The following CNTN1 variants were observed in gnomAD, a reference collection of about 807,000 sequenced individuals.
CNTN1 encodes the protein contactin 1, also known as contactin-1.
In CNTN1, 38 loss-of-function variants were observed where a neutral mutation model predicts 126.4. The ratio of observed to expected loss-of-function variants is 0.30; its 90% CI spans 0.23 to 0.39. The LOEUF (loss-of-function observed/expected upper bound fraction) is 0.39, where lower values mean the gene tolerates loss of function less well. Ranked by LOEUF, CNTN1 falls within the 10% of genes least tolerant of loss-of-function variation. The pLI, the probability that CNTN1 is intolerant of heterozygous loss-of-function variation, is 1.00. For missense variants in CNTN1, 1,009 were observed against 1,248.4 expected, an observed-to-expected ratio of 0.81 and a Z score of 2.89; for synonymous variants, 413 against 422.6, an observed-to-expected ratio of 0.98 and a Z score of 0.28.
intron 14 of CNTN1, among the ~76,000 whole-genome samples, chr12:40,949,377 C>G (rs1478786290): frequency 6.6e-6 from 1 of 150,950 alleles, no homozygotes; most frequent in African/African-American, 2.4e-5. Flanking sequence ...CACCCACTAA[C>G]TCGTCATCTA....
At chr12:41,016,998 G>A (rs1028575784) in intron 19 of CNTN1, 82 bp downstream of exon 19, 3 of 1,201,398 alleles carry the variant, frequency 2.5e-6, no homozygotes, top group Admixed American at 3.5e-5. Context: ...TTTCCTTTCA[G>A]GCCTTACTTA....
At chr12:40,716,966 A>G (rs1942066788) in intron 1 of CNTN1, among the ~76,000 whole-genome samples, 1 of 152,220 alleles carries the variant, frequency 6.6e-6, no homozygotes, top group South Asian at 2.1e-4. Context: ...TCTTCACAAC[A>G]TCTTTTTAGA....
chr12:41,022,270 C>T (rs1948932755), intron 20 of CNTN1, among the ~76,000 whole-genome samples: 1 of 152,058 alleles, frequency 6.6e-6, no homozygotes, highest in African/African-American at 2.4e-5. Flanking sequence ...AAAAAGTAAT[C>T]TTTATCAAAG....
chr12:40,928,715 G>T (rs562177518), intron 6 of CNTN1, among the ~76,000 whole-genome samples: 1 of 152,096 alleles, frequency 6.6e-6, no homozygotes, highest in South Asian at 2.1e-4. Context: ...TAATGCCCAG[G>T]TTATTATTCC....
chr12:40,812,683 TAA>T (rs1356652683), intron 1 of CNTN1, among the ~76,000 whole-genome samples: 1 of 152,150 alleles, frequency 6.6e-6, no homozygotes, highest in Admixed American at 6.6e-5. Flanking sequence ...GTATTTTACT[TAA>T]AGTCTATTTT....
At chr12:40,856,954 C>T (rs1327100185) in intron 1 of CNTN1, among the ~76,000 whole-genome samples, 1 of 152,072 alleles carries the variant, frequency 6.6e-6, no homozygotes, top group Non-Finnish European at 1.5e-5. Flanking sequence ...CAATGTTTTA[C>T]AAACATATAC....
At chr12:40,818,987 T>A (rs1306676703) in intron 1 of CNTN1, among the ~76,000 whole-genome samples, 7 of 152,156 alleles carry the variant, frequency 4.6e-5, no homozygotes, top group Non-Finnish European at 5.9e-5. Flanking sequence ...GCCTTATTCA[T>A]CTGATTCACT....
intron 15 of CNTN1, chr12:40,972,014 ACATATTCTTTGG>A: frequency 7.1e-6 from 7 of 986,940 alleles, no homozygotes; most frequent in Non-Finnish European, 8.4e-6. Flanking sequence ...CTAGTACCAT[ACATATTCTTTGG>A]CATGAAAGAA....
Position 40,895,133 on chromosome 12 carries a change from AT to A in CNTN1, c.-76-13221del, listed in dbSNP as rs1379637206. Among the ~76,000 whole-genome samples, 30 of 152,198 alleles carry A rather than the reference AT, an allele frequency of 2.0e-4. 1 individual carries two copies. Among genetic ancestry groups the A allele is most frequent in the Non-Finnish European group, 7.4e-5 (5 of 68,024 alleles). Reference sequence around the variant, plus strand: ...GATGATCAGTTATATGGAAGCCTCTATTTATAATAGTATAGTCCATTTTTAT... The same window carrying A: ...GATGATCAGTTATATGGAAGCCTCTATTATAATAGTATAGTCCATTTTTAT... On this transcript the variant is annotated intron_variant, in intron 1 of 23. Transcript: ENST00000551295.
intron 23 of CNTN1, among the ~76,000 whole-genome samples, chr12:41,041,782 T>G (rs1275593314): frequency 6.6e-6 from 1 of 152,190 alleles, no homozygotes; most frequent in African/African-American, 2.4e-5. Flanking sequence ...CATTTTTTAT[T>G]GCGTCTGTTT....
rs186659318 is a variant in CNTN1, at chr12:40,948,474, C to T, written c.1683+4304C>T. On this transcript the variant is annotated intron_variant, in intron 14 of 23. Transcript: ENST00000551295. ...GGTTAAATGTTTTTCACATATTTCT[C>T]AGTTGATCTTCACAGAAATCCTCTG... Among the ~76,000 whole-genome samples the T allele has an allele frequency of 9.9e-5, 15 of 151,988 alleles. 1 individual carries two copies. In the South Asian group the frequency reaches 2.1e-3, roughly 21 times the overall value.
intron 2 of CNTN1, 94 bp from the exon 3 acceptor site, chr12:40,909,979 C>T (rs1350548180): frequency 3.3e-6 from 3 of 919,284 alleles, no homozygotes; most frequent in Admixed American, 3.4e-5. Context: ...TACTCTCATT[C>T]CATTGTCTAG....
intron 1 of CNTN1, among the ~76,000 whole-genome samples, chr12:40,752,742 A>T (rs138277512): frequency 2.0e-5 from 3 of 152,274 alleles, no homozygotes; most frequent in African/African-American, 7.2e-5. Context: ...AAACATTTTA[A>T]ACATAACATT....
At chr12:41,009,635 GT>G (rs1948596265) in intron 17 of CNTN1, among the ~76,000 whole-genome samples, 1 of 152,194 alleles carries the variant, frequency 6.6e-6, no homozygotes, top group Non-Finnish European at 1.5e-5. Flanking sequence ...TGAGTTTTAT[GT>G]GCTCCTAACA....
At chr12:40,932,635 TC>T (rs1360335466) in intron 7 of CNTN1, among the ~76,000 whole-genome samples, 1 of 151,964 alleles carries the variant, frequency 6.6e-6, no homozygotes, top group Admixed American at 6.6e-5. Context: ...TGGAGCTTTG[TC>T]GTAATATGGT....
intron 1 of CNTN1, among the ~76,000 whole-genome samples, chr12:40,780,710 T>C (rs1939760518): frequency 7.4e-6 from 1 of 135,794 alleles, no homozygotes; most frequent in Non-Finnish European, 1.6e-5. Flanking sequence ...AAAACACCAA[T>C]CCTCATTTCA....
chr12:40,818,601 A>G (rs1300597973), intron 1 of CNTN1, among the ~76,000 whole-genome samples: 1 of 152,082 alleles, frequency 6.6e-6, no homozygotes, highest in Non-Finnish European at 1.5e-5. Flanking sequence ...GCTTCTTTGC[A>G]TTGGGTTAGA....
chr12:40,728,402 G>C (rs1942412261), intron 1 of CNTN1, among the ~76,000 whole-genome samples: 1 of 152,106 alleles, frequency 6.6e-6, no homozygotes, highest in African/African-American at 2.4e-5. Flanking sequence ...AGGAACAAGG[G>C]GAAGGGTAGA....
chr12:41,064,337 C>T (rs202175082), intron 23 of CNTN1, among the ~76,000 whole-genome samples: 1 of 152,152 alleles, frequency 6.6e-6, no homozygotes, highest in East Asian at 1.9e-4. Context: ...CCCTGACTAC[C>T]ATGCTACACA....
Sources: gnomAD v4.1 joint callset for allele counts (sites outside exome capture counted in the v4.1 genomes callset) on GRCh38, gnomAD v4.1.1 for gene constraint, MANE v1.5 for transcripts, NCBI Gene and HGNC (gene_info 2026-07-23, HGNC 2026-07-21) for gene names.